The following ROBO1 variants were observed in gnomAD, a reference collection of about 807,000 sequenced individuals.
The protein encoded by ROBO1 is roundabout homolog 1.
Under a neutral mutation model 195.9 loss-of-function variants are expected in ROBO1, and 149 were observed. That is an observed-to-expected ratio of 0.76 (90% confidence interval 0.67 to 0.87). The LOEUF (loss-of-function observed/expected upper bound fraction) is 0.87, where lower values mean the gene tolerates loss of function less well. Ranked by LOEUF, ROBO1 falls within the 40% of genes least tolerant of loss-of-function variation. The pLI is 0.00. For synonymous variants in ROBO1, 816 were observed against 733.2 expected (o/e 1.11, Z -1.82); for missense variants, 1,933 against 2,068.3 (o/e 0.93, Z 1.27).
At chr3:79,380,781 A>C (rs1017296101) in intron 2 of ROBO1, among the ~76,000 whole-genome samples, 1 of 151,984 alleles carries the variant, frequency 6.6e-6, no homozygotes, top group African/African-American at 2.4e-5. Flanking sequence ...ACTCACTCTG[A>C]CTAACAAAAG....
intron 2 of ROBO1, among the ~76,000 whole-genome samples, chr3:79,499,056 G>A (rs1178490791): frequency 6.6e-6 from 1 of 151,998 alleles, no homozygotes; most frequent in East Asian, 1.9e-4. Context: ...GTGCAATGGC[G>A]AAATCTCAGC....
At chr3:79,511,389 A>C (rs1237405794) in intron 2 of ROBO1, among the ~76,000 whole-genome samples, 2 of 152,174 alleles carry the variant, frequency 1.3e-5, no homozygotes. Flanking sequence ...CTTTGGATGG[A>C]TATATTAGTA....
At chr3:79,470,612 G>A (rs866905639) in intron 2 of ROBO1, among the ~76,000 whole-genome samples, 2 of 152,102 alleles carry the variant, frequency 1.3e-5, no homozygotes, top group South Asian at 4.1e-4. Flanking sequence ...TGTCAAAGAT[G>A]GGGCCAGGTG....
chr3:79,337,601 G>A (rs1172709851), intron 2 of ROBO1, among the ~76,000 whole-genome samples: 1 of 152,180 alleles, frequency 6.6e-6, no homozygotes, highest in African/African-American at 2.4e-5. Flanking sequence ...GTATTGGGCA[G>A]TTCTTTATAG....
rs552091222 is a variant in ROBO1, at chr3:78,963,407, CT to C, written c.173-24481del. Among the ~76,000 whole-genome samples the C allele has an allele frequency of 3.8e-3, 546 of 144,962 alleles. 3 individuals carry two copies. The highest frequency in any genetic ancestry group is 6.1e-3 in the Non-Finnish European group (412 of 67,134). ...AGAAATAATTTGAGTGGATCAGAGA[CT>C]CTTTACCTCTGAAATTTGTTGGAGT... On this transcript the variant is annotated intron_variant, in intron 3 of 30. Transcript: ENST00000464233.
chr3:79,748,864 T>C (rs1024812831), intron 1 of ROBO1, among the ~76,000 whole-genome samples: 1 of 152,150 alleles, frequency 6.6e-6, no homozygotes, highest in African/African-American at 2.4e-5. Context: ...TTAAAATCTC[T>C]TTTTCTTCCC....
At chr3:78,698,634 A>T (rs1477348087) in intron 8 of ROBO1, among the ~76,000 whole-genome samples, 1 of 152,166 alleles carries the variant, frequency 6.6e-6, no homozygotes, top group Non-Finnish European at 1.5e-5. Flanking sequence ...ACTGACAAAC[A>T]TCCTACAAAG....
At chr3:79,315,932 C>T (rs1396532504) in intron 2 of ROBO1, among the ~76,000 whole-genome samples, 2 of 151,990 alleles carry the variant, frequency 1.3e-5, no homozygotes, top group Non-Finnish European at 1.5e-5. Context: ...CAAGGAAGTC[C>T]GAGATAGAGT....
rs145149889 is a variant in ROBO1, at chr3:79,589,937, C to T, written c.-26G>A. The T allele has an allele frequency of 1.3e-6, 2 of 1,500,416 alleles. No homozygotes were observed. Among genetic ancestry groups the T allele is most frequent in the Non-Finnish European group, 9.3e-7 (1 of 1,078,416 alleles). The allele number at this position is 1,500,416 out of a possible 1,614,324, so 92.9% of individuals were successfully genotyped here. A position where few individuals can be genotyped will look rare whatever the true frequency, so the allele number is the denominator to read the frequency against. On this transcript the variant is annotated 5_prime_UTR_variant, in exon 2 of 31. Coordinates refer to ENST00000464233, the MANE Select transcript of ROBO1 (RefSeq NM_002941.4). ...CTTTGTCCCTTCCTTGCATTACAAC[C>T]AGCCAGTGACAGACAATGTGTTATC...
chr3:78,611,830 C>T (rs1703830322), intron 28 of ROBO1, among the ~76,000 whole-genome samples: 1 of 152,172 alleles, frequency 6.6e-6, no homozygotes, highest in Admixed American at 6.5e-5. Context: ...AGGACACACA[C>T]ATACACTGGG....
intron 4 of ROBO1, among the ~76,000 whole-genome samples, chr3:78,909,493 T>C (rs999181401): frequency 9.9e-5 from 15 of 151,896 alleles, no homozygotes; most frequent in African/African-American, 3.6e-4. Context: ...AAAAGGAATA[T>C]ACATTAAACT....
At chr3:79,718,132 C>A (rs926069908) in intron 1 of ROBO1, among the ~76,000 whole-genome samples, 2 of 152,084 alleles carry the variant, frequency 1.3e-5, no homozygotes, top group African/African-American at 4.8e-5. Flanking sequence ...TTACAAATAT[C>A]TGCTCATAAC....
intron 3 of ROBO1, among the ~76,000 whole-genome samples, chr3:79,117,595 T>C (rs1396599942): frequency 3.3e-5 from 5 of 152,176 alleles, no homozygotes; most frequent in Admixed American, 6.5e-5. Context: ...AGTTGTGTTG[T>C]CATGGAAATC....
intron 2 of ROBO1, among the ~76,000 whole-genome samples, chr3:79,336,503 G>A (rs548620618): frequency 3.9e-5 from 6 of 152,348 alleles, no homozygotes; most frequent in African/African-American, 1.4e-4. Context: ...TGAGTACACA[G>A]GAGTGAAGAA....
chr3:79,672,295 A>G (rs1313619511), intron 1 of ROBO1, among the ~76,000 whole-genome samples: 1 of 151,842 alleles, frequency 6.6e-6, no homozygotes, highest in Non-Finnish European at 1.5e-5. Context: ...TACCAGTGAC[A>G]CAGCTGGGAC....
chr3:79,544,437 T>C (rs1559979493), intron 2 of ROBO1, among the ~76,000 whole-genome samples: 1 of 152,030 alleles, frequency 6.6e-6, no homozygotes, highest in South Asian at 2.1e-4. Flanking sequence ...AACTTTCATG[T>C]ATATTAAATT....
chr3:79,657,681 T>A (rs1347223279), intron 1 of ROBO1, among the ~76,000 whole-genome samples: 4 of 152,170 alleles, frequency 2.6e-5, no homozygotes, highest in African/African-American at 9.6e-5. Flanking sequence ...GAGTCTAAAA[T>A]TAACTAGAAA....
At chr3:79,155,333 T>C (rs1478922161) in intron 2 of ROBO1, among the ~76,000 whole-genome samples, 2 of 151,730 alleles carry the variant, frequency 1.3e-5, no homozygotes. Flanking sequence ...AAAGTAATTG[T>C]CCTTGTATTG....
chr3:78,753,461 G>A (rs1021109685), intron 4 of ROBO1, among the ~76,000 whole-genome samples: 1 of 152,070 alleles, frequency 6.6e-6, no homozygotes, highest in Non-Finnish European at 1.5e-5. Context: ...TGGCATAGTA[G>A]GTTTCAGTTA....
Sources: gnomAD v4.1 joint callset for allele counts (sites outside exome capture counted in the v4.1 genomes callset) on GRCh38, gnomAD v4.1.1 for gene constraint, MANE v1.5 for transcripts, NCBI Gene and HGNC (gene_info 2026-07-23, HGNC 2026-07-21) for gene names.